SLC25A27: variants seen among roughly 807,000 people sequenced by gnomAD.
SLC25A27 encodes solute carrier family 25 member 27, also known as mitochondrial uncoupling protein 4.
A neutral mutation model predicts 49.1 loss-of-function variants in SLC25A27; 35 were observed. The observed-to-expected ratio is 0.71, with a 90% CI of 0.54 to 0.95. The LOEUF is 0.95. Among genes scored for constraint, SLC25A27 ranks in the 40% least tolerant of loss-of-function variants. SLC25A27 has a pLI of 0.00. For missense variants in SLC25A27, 339 were observed against 397.1 expected (o/e 0.85, Z 1.24); for synonymous variants, 144 against 136.9 (o/e 1.05, Z -0.36).
In SLC25A27 at chr6:46,676,540, A is replaced by G. The variant is rs748702310; in HGVS notation, c.*86A>G. 8.1e-6 allele frequency: 13 copies of G among 1,607,552 alleles called. No homozygotes were observed. Among genetic ancestry groups the G allele is most frequent in the African/African-American group, 4.0e-5 (3 of 74,610 alleles). On this transcript the variant is annotated 3_prime_UTR_variant, in exon 9 of 9. Coordinates refer to ENST00000371347, the MANE Select transcript of SLC25A27 (RefSeq NM_004277.5). ...GCAACACATACCCCCTATTATTTCT[A>G]CCTCTTTAGGAAGACACCTATTCCA...
At chr6:46,662,330 C>T (rs199843978) in intron 3 of SLC25A27, 46 bp from the exon 4 acceptor site, 37 of 1,587,270 alleles carry the variant, frequency 2.3e-5, no homozygotes, top group African/African-American at 1.7e-4. Flanking sequence ...CTATAAAATT[C>T]GTGAAATTAA....
In SLC25A27 at chr6:46,664,845, G is replaced by A. The variant is rs1763272618; in HGVS notation, c.578G>A (p.Trp193Ter). 1.2e-6 allele frequency: 2 copies of A among 1,607,718 alleles called. No homozygotes were observed. The highest frequency in any genetic ancestry group is 1.7e-6 in the Non-Finnish European group (2 of 1,176,622). Residue 193 changes from tryptophan to a stop codon, truncating the protein, a stop_gained, in exon 5 of 9, where the codon TGG becomes TAG. Transcript: ENST00000371347. LOFTEE classifies it high-confidence loss of function. The part of the protein sequence containing the change: ...EGGIRGLWAG[W>*]VPNIQRAALV... Reference sequence around the variant, plus strand: ...GGAATACGAGGGCTTTGGGCAGGCTGGGTACCCAATATACAAAGAGCAGCA... The same window carrying A: ...GGAATACGAGGGCTTTGGGCAGGCTAGGTACCCAATATACAAAGAGCAGCA...
Position 46,678,030 on chromosome 6 carries a change from T to TTTTATATATATATA in SLC25A27, c.*1577_*1578insTTATATATATATAT, listed in dbSNP as rs1763860534. ...CAATATGTAATTGCGTTGTAAAATA[T>TTTTATATATATATA]TATATATATATATATATATATATAT... On this transcript the variant is annotated 3_prime_UTR_variant, in exon 9 of 9. Coordinates refer to ENST00000371347, the MANE Select transcript of SLC25A27 (RefSeq NM_004277.5). The TTTTATATATATATA allele has an allele frequency of 9.9e-6, 1 of 100,630 alleles. No homozygotes were observed. Among genetic ancestry groups the TTTTATATATATATA allele is most frequent in the African/African-American group, 4.0e-5 (1 of 25,238 alleles). 6.2% of individuals were successfully genotyped at this position (100,630 alleles called of 1,614,324 possible). A position where few individuals can be genotyped will look rare whatever the true frequency, so the allele number is the denominator to read the frequency against.
At chr6:46,669,066 A>C (rs1763424677) in intron 6 of SLC25A27, among the ~76,000 whole-genome samples, 2 of 152,210 alleles carry the variant, frequency 1.3e-5, no homozygotes, top group Admixed American at 6.5e-5. Flanking sequence ...GGACTCTCCA[A>C]CTCATTTCAA....
chr6:46,676,323 T>A (rs548730515), intron 8 of SLC25A27, 60 bp from the exon 9 acceptor site: 2 of 1,484,532 alleles, frequency 1.3e-6, no homozygotes, highest in South Asian at 2.3e-5. Context: ...TGTATGCACA[T>A]ATGTAGACTA....
At chr6:46,667,384 T>C (rs1482404440) in intron 5 of SLC25A27, among the ~76,000 whole-genome samples, 1 of 152,324 alleles carries the variant, frequency 6.6e-6, no homozygotes, top group African/African-American at 2.4e-5. Flanking sequence ...ATAGGAACTA[T>C]TGAGTTCTAT....
intron 4 of SLC25A27, among the ~76,000 whole-genome samples, chr6:46,663,401 A>G (rs565495673): frequency 6.6e-6 from 1 of 152,286 alleles, no homozygotes; most frequent in South Asian, 2.1e-4. Flanking sequence ...GCTGCAGCCC[A>G]GGGTCCCCTT....
At chr6:46,668,652 T>G in intron 5 of SLC25A27, 57 bp from the exon 6 acceptor site, 1 of 998,756 alleles carries the variant, frequency 1.0e-6, no homozygotes, top group Admixed American at 1.7e-5. Flanking sequence ...AGCATATTCT[T>G]GACACAAAAG....
chr6:46,657,772 C>G lies in SLC25A27; in HGVS notation c.299-1190C>G, dbSNP rs115086528. On this transcript the variant is annotated intron_variant, in intron 2 of 8. Coordinates refer to ENST00000371347, the MANE Select transcript of SLC25A27 (RefSeq NM_004277.5). ...TGAGTCCCTGTCTCATAATCTAAGA[C>G]CAGGCTACTCTGAAAGAGGACAGAG... 7.6e-3 allele frequency among the ~76,000 whole-genome samples: 1,158 copies of G among 152,234 alleles called. 15 individuals are homozygous for G. Among genetic ancestry groups the G allele is most frequent in the African/African-American group, 0.026 (1,081 of 41,538 alleles).
intron 5 of SLC25A27, among the ~76,000 whole-genome samples, chr6:46,665,654 C>A (rs1247350138): frequency 6.6e-6 from 1 of 152,004 alleles, no homozygotes; most frequent in African/African-American, 2.4e-5. Flanking sequence ...CCACTGTACT[C>A]TAGACTGGGC....
intron 5 of SLC25A27, among the ~76,000 whole-genome samples, chr6:46,666,070 C>T (rs1488744565): frequency 6.6e-6 from 1 of 152,210 alleles, no homozygotes; most frequent in East Asian, 1.9e-4. Flanking sequence ...ACATACCAAA[C>T]TGTTCTTCAC....
intron 8 of SLC25A27, among the ~76,000 whole-genome samples, chr6:46,673,460 G>A (rs1489800820): frequency 2.6e-5 from 4 of 152,188 alleles, no homozygotes; most frequent in Non-Finnish European, 5.9e-5. Flanking sequence ...AGTACTCTGT[G>A]GGAACACAGA....
chr6:46,662,916 G>A (rs753750505), intron 4 of SLC25A27, among the ~76,000 whole-genome samples: 2 of 152,134 alleles, frequency 1.3e-5, no homozygotes, highest in African/African-American at 2.4e-5. Flanking sequence ...TGGTTAACAT[G>A]CCTGACTGCT....
At chr6:46,671,319 A>G (rs1303138826) in intron 8 of SLC25A27, 91 bp downstream of exon 8, 4 of 685,564 alleles carry the variant, frequency 5.8e-6, no homozygotes, top group Non-Finnish European at 9.5e-6. Context: ...TCTGGTTTGA[A>G]GCATGGCCCT....
At chr6:46,661,237 TATG>T (rs1458745661) in intron 3 of SLC25A27, among the ~76,000 whole-genome samples, 1 of 151,778 alleles carries the variant, frequency 6.6e-6, no homozygotes, top group African/African-American at 2.4e-5. Context: ...AGAGAAAAAA[TATG>T]ATAATGTATG....
chr6:46,670,720 C>T lies in SLC25A27; in HGVS notation c.798-406C>T, dbSNP rs1003987950. The T allele has an allele frequency of 2.5e-5, 4 of 160,896 alleles. No homozygotes were observed. The South Asian group carries it at 7.3e-4, about 29-fold the overall frequency. The allele number at this position is 160,896 out of a possible 1,614,324, so 10.0% of individuals were successfully genotyped here. Reference sequence around the variant, plus strand: ...GTAGAACCACAAATATTTTTCTAAACTAGCAGAAATTTTATTTATTTATTT... The same window carrying T: ...GTAGAACCACAAATATTTTTCTAAATTAGCAGAAATTTTATTTATTTATTT... On this transcript the variant is annotated intron_variant, in intron 7 of 8. Transcript: ENST00000371347.
At chr6:46,667,320 A>G (rs1202450396) in intron 5 of SLC25A27, among the ~76,000 whole-genome samples, 2 of 152,186 alleles carry the variant, frequency 1.3e-5, no homozygotes, top group Admixed American at 6.5e-5. Flanking sequence ...TCAAGTCGTC[A>G]TCATCGCTTA....
Position 46,657,450 on chromosome 6 carries a change from C to T in SLC25A27, c.298+1416C>T, listed in dbSNP as rs149071438. ...TGCACTCCAACCTGGGTGACAAGAG[C>T]GAAACTCTGTCTCAAAAAAATAAAA... is the stretch of plus-strand genomic sequence containing the variant. On this transcript the variant is annotated intron_variant, in intron 2 of 8. Transcript: ENST00000371347. Among the ~76,000 whole-genome samples the T allele has an allele frequency of 3.0e-3, 457 of 151,652 alleles. 3 individuals carry two copies. The highest frequency in any genetic ancestry group is 0.01 in the African/African-American group (427 of 41,316).
chr6:46,660,230 C>CTGTGTGTGTGTATGTGTG (rs1554170741), intron 3 of SLC25A27, among the ~76,000 whole-genome samples: 2 of 147,310 alleles, frequency 1.4e-5, no homozygotes, highest in African/African-American at 5.1e-5. Flanking sequence ...ACCTCTGTGT[C>CTGTGTGTGTGTATGTGTG]TGTGTGTGTG....
Sources: allele counts gnomAD v4.1 joint callset (sites outside exome capture counted in the v4.1 genomes callset), GRCh38; gene constraint gnomAD v4.1.1; transcripts MANE v1.5; gene names NCBI Gene and HGNC (gene_info 2026-07-23, HGNC 2026-07-21).